Variants in L3MBTL3 observed in about 807,000 individuals in gnomAD.
L3MBTL3 encodes lethal(3)malignant brain tumor-like protein 3.
In L3MBTL3, 27 loss-of-function variants were observed where a neutral mutation model predicts 102.3. The observed-to-expected ratio is 0.26, with a 90% confidence interval of 0.19 to 0.36. The LOEUF is 0.36. L3MBTL3 is among the 10% of genes least tolerant of loss of function. L3MBTL3 has a pLI of 1.00. For missense variants in L3MBTL3, 798 were observed against 955.3 expected (o/e 0.84, Z 2.17); for synonymous variants, 340 against 320.9 (o/e 1.06, Z -0.64).
chr6:130,072,105 A>G (rs899214976), intron 13 of L3MBTL3, among the ~76,000 whole-genome samples: 8 of 152,158 alleles, frequency 5.3e-5, no homozygotes, highest in African/African-American at 1.2e-4. Flanking sequence ...TTGCACATCC[A>G]TGGATTCAAC....
chr6:130,057,844 G>T (rs1393085906), intron 9 of L3MBTL3, among the ~76,000 whole-genome samples: 1 of 152,158 alleles, frequency 6.6e-6, no homozygotes, highest in Non-Finnish European at 1.5e-5. Context: ...GGCTTTGAGA[G>T]ATTAAAAATG....
chr6:130,102,751 C>G (rs751448281), intron 18 of L3MBTL3, among the ~76,000 whole-genome samples: 14 of 152,200 alleles, frequency 9.2e-5, no homozygotes, highest in Non-Finnish European at 1.8e-4. Flanking sequence ...TTCTTCCTGA[C>G]CATTACAGCT....
chr6:130,021,886 C>T (rs1013262361), intron 1 of L3MBTL3, among the ~76,000 whole-genome samples: 12 of 151,948 alleles, frequency 7.9e-5, no homozygotes, highest in Non-Finnish European at 1.5e-4. Flanking sequence ...ATTCTTTTTC[C>T]AGTGTGTTTT....
intron 2 of L3MBTL3, among the ~76,000 whole-genome samples, chr6:130,034,534 TCA>T (rs1779928013): frequency 6.6e-6 from 1 of 152,242 alleles, no homozygotes; most frequent in South Asian, 2.1e-4. Context: ...ATTTGACATT[TCA>T]GTCTTTAATT....
chr6:130,081,993 A>T (rs1783389259), intron 14 of L3MBTL3, among the ~76,000 whole-genome samples: 1 of 152,150 alleles, frequency 6.6e-6, no homozygotes, highest in Non-Finnish European at 1.5e-5. Flanking sequence ...TTTGAGTAGG[A>T]TTGGTATTTC....
chr6:130,088,423 A>G (rs1250263887), intron 16 of L3MBTL3, among the ~76,000 whole-genome samples: 1 of 152,214 alleles, frequency 6.6e-6, no homozygotes, highest in African/African-American at 2.4e-5. Context: ...TTTAAGAAGG[A>G]AGAAGAGGAG....
At position 130,141,032 on chromosome 6, in the gene L3MBTL3, T is replaced by C. The variant is rs1216488811; in HGVS notation, c.*1279T>C. The stretch of plus-strand genomic sequence containing the variant: ...GCTGGTAGTGTTTCTTTTGCAAGAA[T>C]GCATTTCTAAGGCAAAAGGTAAATT... On this transcript the variant is annotated 3_prime_UTR_variant, in exon 23 of 23. Coordinates refer to ENST00000361794, the MANE Select transcript of L3MBTL3 (RefSeq NM_032438.4). The C allele has an allele frequency of 2.0e-5, 3 of 152,660 alleles. No individual in the cohort carries two copies. The highest frequency in any genetic ancestry group is 4.4e-5 in the Non-Finnish European group (3 of 68,048). The allele number at this position is 152,660 out of a possible 1,614,324, so 9.5% of individuals were successfully genotyped here. A position where few individuals can be genotyped will look rare whatever the true frequency, so the allele number is the denominator to read the frequency against.
At chr6:130,134,662 T>A (rs377209506) in intron 22 of L3MBTL3, among the ~76,000 whole-genome samples, 169 of 152,340 alleles carry the variant, frequency 1.1e-3, no homozygotes, top group African/African-American at 3.3e-3. Flanking sequence ...TTTGGCTGTG[T>A]CTACTCCTGC....
chr6:130,105,411 ACTT>A (rs902572773), intron 19 of L3MBTL3, among the ~76,000 whole-genome samples: 4 of 152,130 alleles, frequency 2.6e-5, no homozygotes, highest in African/African-American at 4.8e-5. Context: ...GACACCTACA[ACTT>A]CTTCTGGTAT....
At position 130,082,298 on chromosome 6, in the gene L3MBTL3, A is replaced by G. The variant is rs57382568; in HGVS notation, c.1322-1322A>G. Among the ~76,000 whole-genome samples the G allele has an allele frequency of 6.7e-3, 1,019 of 152,324 alleles. 11 individuals carry two copies. Among genetic ancestry groups the G allele is most frequent in the African/African-American group, 0.024 (977 of 41,566 alleles). ...TTTAGCATCTGTTGACATTCCTGGCATGAATTATATTATTCTGACAGTGCT... is the reference window on the plus strand; with the variant it reads ...TTTAGCATCTGTTGACATTCCTGGCGTGAATTATATTATTCTGACAGTGCT... On this transcript the variant is annotated intron_variant, in intron 14 of 22. Transcript: ENST00000361794.
At position 130,133,123 on chromosome 6, in the gene L3MBTL3, A is replaced by G. The variant is rs1428809660; in HGVS notation, c.1967-329A>G. Reference sequence around the variant, plus strand: ...AAGCAGAAAGGGGAGCAAATAAACAACTTCCTAGAATAAGACTAACTTTCC... The same window carrying G: ...AAGCAGAAAGGGGAGCAAATAAACAGCTTCCTAGAATAAGACTAACTTTCC... On this transcript the variant is annotated intron_variant, in intron 20 of 22. Coordinates refer to ENST00000361794, the MANE Select transcript of L3MBTL3 (RefSeq NM_032438.4). This position sits in a 1 kb window ranked among gnomAD's most constrained non-coding sequence, Gnocchi z 4.9. 6.6e-6 allele frequency among the ~76,000 whole-genome samples: 1 copy of G among 152,188 alleles called. No individual in the cohort carries two copies. Among genetic ancestry groups the G allele is most frequent in the African/African-American group, 2.4e-5 (1 of 41,460 alleles).
chr6:130,049,501 G>A (rs917881335), intron 4 of L3MBTL3, 108 bp downstream of exon 4: 17 of 769,298 alleles, frequency 2.2e-5, no homozygotes, highest in Non-Finnish European at 2.9e-5. Flanking sequence ...GGTAATTTTT[G>A]TGCCTCATGT....
chr6:130,137,148 G>A (rs1787773234), intron 22 of L3MBTL3, among the ~76,000 whole-genome samples: 1 of 152,120 alleles, frequency 6.6e-6, no homozygotes, highest in South Asian at 2.1e-4. Flanking sequence ...TACACTCTGA[G>A]AAAGACTCAC....
At chr6:130,060,238 T>C (rs1238280511) in intron 10 of L3MBTL3, 98 bp downstream of exon 10, 1 of 676,998 alleles carries the variant, frequency 1.5e-6, no homozygotes, top group Non-Finnish European at 2.5e-6. Context: ...ATGCCAGGCA[T>C]GGTGCTTACT....
Position 130,141,125 on chromosome 6 carries a change from A to T in L3MBTL3, c.*1372A>T, listed in dbSNP as rs1207419331. 2 of 152,364 alleles carry T rather than the reference A, an allele frequency of 1.3e-5. No individual in the cohort carries two copies. Among genetic ancestry groups the T allele is most frequent in the East Asian group, 3.9e-4 (2 of 5,194 alleles). The allele number at this position is 152,364 out of a possible 1,614,324, so 9.4% of individuals were successfully genotyped here. ...ATATTTATTCAAGGACTATTTTAAAAATAGAAAGTAAGTTTGTAGCATGCT... is the reference window on the plus strand; with the variant it reads ...ATATTTATTCAAGGACTATTTTAAATATAGAAAGTAAGTTTGTAGCATGCT... On this transcript the variant is annotated 3_prime_UTR_variant, in exon 23 of 23. Coordinates refer to ENST00000361794, the MANE Select transcript of L3MBTL3 (RefSeq NM_032438.4).
intron 22 of L3MBTL3, among the ~76,000 whole-genome samples, chr6:130,136,001 T>G (rs1292039404): frequency 6.6e-6 from 1 of 152,232 alleles, no homozygotes; most frequent in Non-Finnish European, 1.5e-5. Context: ...GAAATTATCC[T>G]TGACTTCTCT....
At position 130,066,286 on chromosome 6, in the gene L3MBTL3, G is replaced by GTATATATATATATATATATA. The variant is rs148263906; in HGVS notation, c.865-50_865-49insATATATATATATATATATAT. ...GCCTGGTGTCCATGTTTATTTTTGT[G>GTATATATATATATATATATA]TATATATATATATATATGAATATTC... On this transcript the variant is annotated intron_variant, in intron 10 of 22. Transcript: ENST00000361794. The GTATATATATATATATATATA allele has an allele frequency of 7.2e-3, 2,770 of 387,054 alleles. 36 individuals carry two copies. Among genetic ancestry groups the GTATATATATATATATATATA allele is most frequent in the Admixed American group, 0.017 (310 of 18,176 alleles). 24.0% of individuals were successfully genotyped at this position (387,054 alleles called of 1,614,324 possible). A position where few individuals can be genotyped will look rare whatever the true frequency, so the allele number is the denominator to read the frequency against.
At chr6:130,021,917 T>G (rs1282883788) in intron 1 of L3MBTL3, among the ~76,000 whole-genome samples, 1 of 152,210 alleles carries the variant, frequency 6.6e-6, no homozygotes, top group Non-Finnish European at 1.5e-5. Flanking sequence ...TCTTTAATTT[T>G]AAAGATAAAA....
In L3MBTL3 at chr6:130,139,591, T is replaced by G; in HGVS notation, c.2200-19T>G. The G allele has an allele frequency of 6.2e-7, 1 of 1,607,394 alleles. No homozygotes were observed. Among genetic ancestry groups the G allele is most frequent in the African/African-American group, 1.3e-5 (1 of 74,864 alleles). On this transcript the variant is annotated intron_variant, in intron 22 of 22. Coordinates refer to ENST00000361794, the MANE Select transcript of L3MBTL3 (RefSeq NM_032438.4). ...CATCTTGTTAATCCACATTCTGTTGTTTTTTTCCCCCATTTTAGCAAATTG... is the reference window on the plus strand; with the variant it reads ...CATCTTGTTAATCCACATTCTGTTGGTTTTTTCCCCCATTTTAGCAAATTG...
Sources: gnomAD v4.1 joint callset for allele counts (sites outside exome capture counted in the v4.1 genomes callset) on GRCh38, gnomAD v4.1.1 for gene constraint, Gnocchi (gnomAD v3.1) non-coding constraint, MANE v1.5 for transcripts, NCBI Gene and HGNC (gene_info 2026-07-23, HGNC 2026-07-21) for gene names.